PRKAB1: variants seen among roughly 807,000 people sequenced by gnomAD.
The protein encoded by PRKAB1 is 5'-AMP-activated protein kinase subunit beta-1.
PRKAB1 carries 18 observed loss-of-function variants against 32.0 expected under a neutral mutation model. That is an observed-to-expected ratio of 0.56 (90% confidence interval 0.39 to 0.83). The LOEUF (loss-of-function observed/expected upper bound fraction) is 0.83. Among genes scored for constraint, PRKAB1 ranks in the 40% least tolerant of loss-of-function variants. The pLI is 0.00. For synonymous variants in PRKAB1, 141 were observed against 141.4 expected (o/e 1.00, Z 0.02); for missense variants, 263 against 352.6 (o/e 0.75, Z 2.03).
rs772537341 is a variant in PRKAB1, at chr12:119,680,492, C to G, written c.*167C>G. 4 of 690,772 alleles carry G rather than the reference C, an allele frequency of 5.8e-6. No individual in the cohort carries two copies. Among genetic ancestry groups the G allele is most frequent in the Non-Finnish European group, 9.8e-6 (4 of 407,594 alleles). The allele number at this position is 690,772 out of a possible 1,614,324, so 42.8% of individuals were successfully genotyped here. On this transcript the variant is annotated 3_prime_UTR_variant, in exon 7 of 7. Transcript: ENST00000229328. ...GAAGGTTTGTCCAGGCAGAGCAGCT[C>G]CTGCAGCGCCTCGGTCTGTGACAGT...
At chr12:119,668,023 C>T (rs1955350810), upstream of PRKAB1, 3 of 538,416 alleles carry the variant, frequency 5.6e-6, no homozygotes, top group Non-Finnish European at 9.4e-6. Flanking sequence ...CCCTTGCGTT[C>T]TTGCCGCGGC....
At chr12:119,675,421 A>G (rs1422314902) in intron 4 of PRKAB1, among the ~76,000 whole-genome samples, 6 of 152,194 alleles carry the variant, frequency 3.9e-5, no homozygotes, top group Non-Finnish European at 8.8e-5. Flanking sequence ...TATCTGGGTA[A>G]TTAGTCTTTT....
chr12:119,668,347 A>G lies in PRKAB1; in HGVS notation c.103A>G (p.Lys35Glu), dbSNP rs568284871. The G allele has an allele frequency of 2.5e-6, 4 of 1,613,412 alleles. No homozygotes were observed. Among genetic ancestry groups the G allele is most frequent in the Middle Eastern group, 1.7e-4 (1 of 6,056 alleles). Residue 35 changes from lysine (K) to glutamate (E), a missense_variant, in exon 1 of 7, where the codon AAG becomes GAG. Lys to Glu is a moderately conservative substitution (Grantham distance 56). Transcript: ENST00000229328. ...GGGCACCAAGGACGGGGACAGGCCC[A>G]AGATCCTGATGGACAGCCCCGAAGA... ...SGGTKDGDRP[K>E]ILMDSPEDAD...
chr12:119,668,177 C>T lies in PRKAB1; in HGVS notation c.-68C>T. 6.9e-7 allele frequency: 1 copy of T among 1,445,632 alleles called. No homozygotes were observed. The highest frequency in any genetic ancestry group is 9.1e-7 in the Non-Finnish European group (1 of 1,102,696). The allele number at this position is 1,445,632 out of a possible 1,614,324, so 89.6% of individuals were successfully genotyped here. On this transcript the variant is annotated 5_prime_UTR_variant, in exon 1 of 7. Transcript: ENST00000229328. ...TTGGGACCCGCGGTTCCGGGAGTCC[C>T]TTGCTCAGGGTCCCTTTCCTGCAGT... is the stretch of plus-strand genomic sequence containing the variant.
Position 119,668,332 on chromosome 12 carries a change from G to A in PRKAB1, c.88G>A (p.Asp30Asn), listed in dbSNP as rs1452797908. Residue 30 changes from aspartate (D) to asparagine (N), a missense_variant, in exon 1 of 7, where the codon GAC becomes AAC. Coordinates refer to ENST00000229328, the MANE Select transcript of PRKAB1 (RefSeq NM_006253.5). ...GAGGGACAGCTCGGGGGGCACCAAGGACGGGGACAGGCCCAAGATCCTGAT... is the reference window on the plus strand; with the variant it reads ...GAGGGACAGCTCGGGGGGCACCAAGAACGGGGACAGGCCCAAGATCCTGAT... ...PRRDSSGGTK[D>N]GDRPKILMDS... 3 of 1,613,270 alleles carry A rather than the reference G, an allele frequency of 1.9e-6. No individual in the cohort carries two copies. Among genetic ancestry groups the A allele is most frequent in the Admixed American group, 1.7e-5 (1 of 59,882 alleles).
In PRKAB1 at chr12:119,673,202, C is replaced by T. The variant is rs146815704; in HGVS notation, c.323+738C>T. Among the ~76,000 whole-genome samples the T allele has an allele frequency of 1.4e-4, 22 of 152,296 alleles. 1 individual carries two copies. In the East Asian group the frequency reaches 2.1e-3, roughly 15 times the overall value. Reference sequence around the variant, plus strand: ...CAGTGGTTGCACCACTGCACTCCAGCCTGGGCAACAGAGCAAGACTTTGTC... The same window carrying T: ...CAGTGGTTGCACCACTGCACTCCAGTCTGGGCAACAGAGCAAGACTTTGTC... On this transcript the variant is annotated intron_variant, in intron 2 of 6. Coordinates refer to ENST00000229328, the MANE Select transcript of PRKAB1 (RefSeq NM_006253.5).
At chr12:119,671,652 G>T in intron 1 of PRKAB1, 1 of 237,008 alleles carries the variant, frequency 4.2e-6, no homozygotes, top group Non-Finnish European at 8.9e-6. Context: ...TGGGGATTAT[G>T]GGGATTACAA....
intron 1 of PRKAB1, chr12:119,671,715 A>G: frequency 5.0e-6 from 1 of 200,160 alleles, no homozygotes; most frequent in Non-Finnish European, 1.1e-5. Context: ...CACCTAGTCT[A>G]TATGGTGTAA....
intron 2 of PRKAB1, 107 bp from the exon 3 acceptor site, chr12:119,673,857 G>A: frequency 1.2e-6 from 1 of 860,624 alleles, no homozygotes; most frequent in East Asian, 2.5e-5. Context: ...TCCTGCAGCT[G>A]AACTCTTGGT....
At position 119,679,254 on chromosome 12, in the gene PRKAB1, G is replaced by A. The variant is rs1302158827; in HGVS notation, c.667-679G>A. The A allele has an allele frequency of 6.6e-6, 1 of 152,352 alleles. No homozygotes were observed. The highest frequency in any genetic ancestry group is 1.5e-5 in the Non-Finnish European group (1 of 68,154). The allele number at this position is 152,352 out of a possible 1,614,324, so 9.4% of individuals were successfully genotyped here. The stretch of plus-strand genomic sequence containing the variant: ...AGTTGGTGCTCTCAGCAGCCACCCT[G>A]AATGGCCTCCCAGCGGGAGCTTGCT... On this transcript the variant is annotated intron_variant, in intron 5 of 6. Coordinates refer to ENST00000229328, the MANE Select transcript of PRKAB1 (RefSeq NM_006253.5). This position sits in a 1 kb window ranked among gnomAD's most constrained non-coding sequence, Gnocchi z 4.1.
Position 119,672,465 on chromosome 12 carries a change from G to A in PRKAB1, c.323+1G>A. On this transcript the variant is annotated splice_donor_variant, in intron 2 of 6. Transcript: ENST00000229328. LOFTEE classifies it high-confidence loss of function. ...GGAGTAAACTTCCCCTCACCAGAAG[G>A]TAATTGCCTGGGGAGTGTTCACATA... 6.3e-7 allele frequency: 1 copy of A among 1,577,776 alleles called. No individual in the cohort carries two copies. The highest frequency in any genetic ancestry group is 8.6e-7 in the Non-Finnish European group (1 of 1,159,750).
At chr12:119,673,368 A>G (rs278144) in intron 2 of PRKAB1, among the ~76,000 whole-genome samples, 48,503 of 152,164 alleles carry the variant, frequency 0.32, 8,243 homozygotes, top group African/African-American at 0.4. Context: ...TCTTGATAAA[A>G]TGAGGGAGAA....
At position 119,674,024 on chromosome 12, in the gene PRKAB1, T is replaced by C. The variant is rs1297800820; in HGVS notation, c.384T>C (p.Phe128=). Residue 128 remains phenylalanine, a synonymous_variant, in exon 3 of 7, where the codon TTT becomes TTC. Coordinates refer to ENST00000229328, the MANE Select transcript of PRKAB1 (RefSeq NM_006253.5). This position sits in a 1 kb window ranked among gnomAD's most constrained non-coding sequence, Gnocchi z 4.3. ...AAGGAGAGCATCAGTACAAGTTCTTTGTGGATGGTCAGTGGACGCACGACC... is the reference window on the plus strand; with the variant it reads ...AAGGAGAGCATCAGTACAAGTTCTTCGTGGATGGTCAGTGGACGCACGACC... The part of the protein sequence containing the change: ...LPEGEHQYKF[F]VDGQWTHDPS... The C allele has an allele frequency of 4.3e-6, 7 of 1,613,984 alleles. No homozygotes were observed. The highest frequency in any genetic ancestry group is 5.9e-6 in the Non-Finnish European group (7 of 1,180,018).
intron 5 of PRKAB1, among the ~76,000 whole-genome samples, 172 bp downstream of exon 5, chr12:119,676,842 A>G (rs1351384840): frequency 6.6e-6 from 1 of 152,210 alleles, no homozygotes; most frequent in Admixed American, 6.5e-5. Flanking sequence ...AGAGGTTCCC[A>G]GTGTGGACAC....
chr12:119,670,893 T>C (rs765060217), intron 1 of PRKAB1, among the ~76,000 whole-genome samples: 4 of 152,216 alleles, frequency 2.6e-5, no homozygotes, highest in Non-Finnish European at 4.4e-5. Flanking sequence ...TAAGCTGAGG[T>C]CGGTATTTGA....
In PRKAB1 at chr12:119,672,619, A is replaced by C. The variant is rs2285593; in HGVS notation, c.323+155A>C. 4.1e-4 allele frequency among the ~76,000 whole-genome samples: 62 copies of C among 152,156 alleles called. No individual in the cohort carries two copies. In the East Asian group the frequency reaches 0.012, roughly 28 times the overall value. Reference sequence around the variant, plus strand: ...AATAAGTCTTAAGGTTCAAATGTTAAACCTTGGTGGTCTCTAGGTTTAGAG... The same window carrying C: ...AATAAGTCTTAAGGTTCAAATGTTACACCTTGGTGGTCTCTAGGTTTAGAG... On this transcript the variant is annotated intron_variant, in intron 2 of 6. Coordinates refer to ENST00000229328, the MANE Select transcript of PRKAB1 (RefSeq NM_006253.5).
Position 119,679,690 on chromosome 12 carries a change from A to G in PRKAB1, c.667-243A>G. On this transcript the variant is annotated intron_variant, in intron 5 of 6. Coordinates refer to ENST00000229328, the MANE Select transcript of PRKAB1 (RefSeq NM_006253.5). This position sits in a 1 kb window ranked among gnomAD's most constrained non-coding sequence, Gnocchi z 4.1. Reference sequence around the variant, plus strand: ...GCCCACACTTGAAAGAGGCCGGGGTAAATGCCTGGCCAGAGACACACACCG... The same window carrying G: ...GCCCACACTTGAAAGAGGCCGGGGTGAATGCCTGGCCAGAGACACACACCG... The G allele has an allele frequency of 3.9e-6, 2 of 513,834 alleles. No homozygotes were observed. The highest frequency in any genetic ancestry group is 4.0e-5 in the South Asian group (2 of 49,884). 31.8% of individuals were successfully genotyped at this position (513,834 alleles called of 1,614,324 possible). A position where few individuals can be genotyped will look rare whatever the true frequency, so the allele number is the denominator to read the frequency against.
chr12:119,673,812 G>A (rs926531071), intron 2 of PRKAB1, 152 bp from the exon 3 acceptor site: 9 of 595,310 alleles, frequency 1.5e-5, no homozygotes, highest in Non-Finnish European at 2.3e-5. Flanking sequence ...AGGTCATTAT[G>A]CTGAATTGTC....
chr12:119,668,089 C>T, upstream of PRKAB1: 5 of 973,256 alleles, frequency 5.1e-6, no homozygotes, highest in Non-Finnish European at 7.0e-6. Context: ...CCGACTCAGC[C>T]GGAACCGGCT....
Sources: gnomAD v4.1 joint callset for allele counts (sites outside exome capture counted in the v4.1 genomes callset) on GRCh38, gnomAD v4.1.1 for gene constraint, Gnocchi (gnomAD v3.1) non-coding constraint, MANE v1.5 for transcripts, NCBI Gene and HGNC (gene_info 2026-07-23, HGNC 2026-07-21) for gene names.